The following TBX15 variants were observed in gnomAD, a reference collection of about 807,000 sequenced individuals.
TBX15 encodes T-box transcription factor TBX15.
In TBX15, 18 loss-of-function variants were observed where a neutral mutation model predicts 53.9. The observed-to-expected ratio is 0.33, with a 90% confidence interval of 0.23 to 0.49. The LOEUF is 0.49. TBX15 is among the 20% of genes least tolerant of loss of function. The probability of loss-of-function intolerance (pLI) is 0.98; values close to 1 mark genes in which losing one functional copy is unlikely to be tolerated. For missense variants in TBX15, 692 were observed against 749.5 expected, an observed-to-expected ratio of 0.92 and a Z score of 0.90; for synonymous variants, 295 against 278.0, an observed-to-expected ratio of 1.06 and a Z score of -0.61.
chr1:118,913,104 G>T (rs1474682922), intron 6 of TBX15, among the ~76,000 whole-genome samples: 3 of 152,078 alleles, frequency 2.0e-5, no homozygotes, highest in African/African-American at 7.2e-5. Context: ...TTAATATAAT[G>T]TACTGCACAT....
At chr1:118,929,599 A>G (rs534046345) in intron 2 of TBX15, among the ~76,000 whole-genome samples, 51 of 152,326 alleles carry the variant, frequency 3.3e-4, no homozygotes, top group Middle Eastern at 3.4e-3. Context: ...AGAACAAACT[A>G]TGTGTCTGTC....
intron 4 of TBX15, among the ~76,000 whole-genome samples, chr1:118,923,966 C>A (rs1002571762): frequency 6.6e-6 from 1 of 152,186 alleles, no homozygotes; most frequent in East Asian, 1.9e-4. Flanking sequence ...TTCATGCTGT[C>A]TTTAAATTCT....
At chr1:118,937,995 T>C (rs1231237811) in intron 1 of TBX15, among the ~76,000 whole-genome samples, 1 of 152,132 alleles carries the variant, frequency 6.6e-6, no homozygotes, top group African/African-American at 2.4e-5. Context: ...TGGAAATTGG[T>C]TGTGGGCTAT....
intron 7 of TBX15, among the ~76,000 whole-genome samples, chr1:118,893,401 GA>G (rs1654249348): frequency 2.7e-4 from 36 of 133,418 alleles, no homozygotes; most frequent in Non-Finnish European, 7.8e-5. Context: ...AAGAAAGAAA[GA>G]AAGAAAGGAA....
chr1:118,915,559 T>C (rs143839172), intron 5 of TBX15, among the ~76,000 whole-genome samples: 1 of 152,322 alleles, frequency 6.6e-6, no homozygotes, highest in East Asian at 1.9e-4. Flanking sequence ...TTATAGACCA[T>C]AGCAGGAGTC....
In TBX15 at chr1:118,884,930, G is replaced by A. The variant is rs1489393214; in HGVS notation, c.1611C>T (p.Ala537=). 11 of 1,614,204 alleles carry A rather than the reference G, an allele frequency of 6.8e-6. No individual in the cohort carries two copies. In the South Asian group the frequency reaches 9.9e-5, roughly 14 times the overall value. The change falls in exon 8 of 8, where the codon GCC becomes GCT. Residue 537 remains alanine, a synonymous_variant. Transcript: ENST00000369429. ...RLAASPEKLS[A]SQSTLLCSSP... ...AAGAACAGAGTAAAGTGCTTTGAGA[G>A]GCGCTCAGTTTTTCCGGGCTTGCAG...
At chr1:118,939,805 G>A (rs1656109104) in intron 1 of TBX15, among the ~76,000 whole-genome samples, 1 of 151,874 alleles carries the variant, frequency 6.6e-6, no homozygotes, top group African/African-American at 2.4e-5. Flanking sequence ...GATCCAGCAT[G>A]CTTTGAAGCT....
intron 2 of TBX15, among the ~76,000 whole-genome samples, chr1:118,929,750 A>G (rs1008444562): frequency 6.6e-6 from 1 of 152,226 alleles, no homozygotes; most frequent in Admixed American, 6.5e-5. Flanking sequence ...AATTCACTAA[A>G]GCACAGGGAA....
In TBX15 at chr1:118,906,583, G is replaced by C. The variant is rs116793250; in HGVS notation, c.927-7458C>G. 4.4e-3 allele frequency among the ~76,000 whole-genome samples: 674 copies of C among 152,282 alleles called. 10 individuals are homozygous for C. Among genetic ancestry groups the C allele is most frequent in the African/African-American group, 0.015 (627 of 41,544 alleles). Reference sequence around the variant, plus strand: ...TTATAAACATGGCCATGGGACAGCAGCTGCTGAAGAGGGGGTCATGGGAAA... The same window carrying C: ...TTATAAACATGGCCATGGGACAGCACCTGCTGAAGAGGGGGTCATGGGAAA... On this transcript the variant is annotated intron_variant, in intron 6 of 7. Transcript: ENST00000369429.
intron 6 of TBX15, among the ~76,000 whole-genome samples, chr1:118,903,082 C>T (rs1319544019): frequency 6.6e-6 from 1 of 152,090 alleles, no homozygotes; most frequent in Non-Finnish European, 1.5e-5. Flanking sequence ...CCCTCTTGCT[C>T]ATTTTTTCCC....
intron 6 of TBX15, among the ~76,000 whole-genome samples, chr1:118,908,652 C>G (rs1365891447): frequency 6.6e-6 from 1 of 152,056 alleles, no homozygotes; most frequent in Non-Finnish European, 1.5e-5. Flanking sequence ...GAGACAATGC[C>G]TGGAAGCAAA....
At chr1:118,905,550 G>A (rs1654788469) in intron 6 of TBX15, among the ~76,000 whole-genome samples, 1 of 152,194 alleles carries the variant, frequency 6.6e-6, no homozygotes, top group South Asian at 2.1e-4. Flanking sequence ...TGGATCATCT[G>A]CCAGAATCCA....
chr1:118,893,344 GGAAGGAAGGAAGGAAAGAAAGAAA>G (rs1189521513), intron 7 of TBX15, among the ~76,000 whole-genome samples: 2 of 59,882 alleles, frequency 3.3e-5, no homozygotes, highest in African/African-American at 2.1e-4. Flanking sequence ...AAGGAAGGAA[GGAAGGAAGGAAGGAAAGAAAGAAA>G]GAAAGAAAGA....
chr1:118,956,632 T>C (rs1293672564), intron 1 of TBX15, among the ~76,000 whole-genome samples: 1 of 152,170 alleles, frequency 6.6e-6, no homozygotes, highest in Non-Finnish European at 1.5e-5. Context: ...ATCAGAGAGC[T>C]GAAAGATATT....
intron 6 of TBX15, among the ~76,000 whole-genome samples, 162 bp from the exon 7 acceptor site, chr1:118,899,287 T>C (rs1654536132): frequency 6.6e-6 from 1 of 152,178 alleles, no homozygotes; most frequent in Non-Finnish European, 1.5e-5. Context: ...GGTACAATGA[T>C]GCTGGACTGC....
chr1:118,962,174 G>A (rs57527056), intron 1 of TBX15, among the ~76,000 whole-genome samples: 2 of 152,172 alleles, frequency 1.3e-5, no homozygotes, highest in Non-Finnish European at 2.9e-5. Context: ...AGAACTCTAA[G>A]GAAAACTGTG....
At chr1:118,957,860 G>C (rs2645288) in intron 1 of TBX15, among the ~76,000 whole-genome samples, 126,478 of 152,124 alleles carry the variant, frequency 0.83, 53,188 homozygotes, top group African/African-American at 0.94. Flanking sequence ...TTTTCTTAAT[G>C]CAGTCTATCA....
At chr1:118,902,351 TC>T (rs1654659801) in intron 6 of TBX15, among the ~76,000 whole-genome samples, 1 of 152,144 alleles carries the variant, frequency 6.6e-6, no homozygotes, top group Non-Finnish European at 1.5e-5. Flanking sequence ...TTCACCTCTC[TC>T]CACCACTAGT....
At chr1:118,899,888 T>A (rs1654564999) in intron 6 of TBX15, among the ~76,000 whole-genome samples, 1 of 152,218 alleles carries the variant, frequency 6.6e-6, no homozygotes, top group African/African-American at 2.4e-5. Context: ...GGCTCCTGGT[T>A]CATTTGTATT....
Sources: allele counts gnomAD v4.1 joint callset (sites outside exome capture counted in the v4.1 genomes callset), GRCh38; gene constraint gnomAD v4.1.1; transcripts MANE v1.5; gene names NCBI Gene and HGNC (gene_info 2026-07-23, HGNC 2026-07-21).